The following APOBEC1 variants were observed in gnomAD, a reference collection of about 807,000 sequenced individuals.
The protein encoded by APOBEC1 is C->U-editing enzyme APOBEC-1.
APOBEC1 carries 22 observed loss-of-function variants against 26.3 expected under a neutral mutation model. The observed-to-expected ratio is 0.84, with a 90% CI of 0.60 to 1.19. The LOEUF (loss-of-function observed/expected upper bound fraction) is 1.19. APOBEC1 is among the 50% of genes most tolerant of loss of function. The pLI is 0.00. For synonymous variants in APOBEC1, 77 were observed against 95.3 expected (o/e 0.81, Z 1.12); for missense variants, 253 against 289.0 (o/e 0.88, Z 0.90).
upstream of APOBEC1, among the ~76,000 whole-genome samples, chr12:7,668,313 G>A (rs1482617840): frequency 6.6e-6 from 1 of 152,154 alleles, no homozygotes; most frequent in African/African-American, 2.4e-5. Flanking sequence ...GACCTGTTTT[G>A]TACTTCAGAC....
chr12:7,652,522 A>G lies in APOBEC1; in HGVS notation c.358T>C (p.Phe120Leu), dbSNP rs777536350. 1.2e-6 allele frequency: 2 copies of G among 1,614,198 alleles called. No individual in the cohort carries two copies. Among genetic ancestry groups the G allele is most frequent in the Non-Finnish European group, 1.7e-6 (2 of 1,180,034 alleles). Reference sequence around the variant, plus strand: ...CGATTTTGTTGATCCATGTGCCAAAAAAGCCGAGCTACGTAGATCACTAGA... The same window carrying G: ...CGATTTTGTTGATCCATGTGCCAAAGAAGCCGAGCTACGTAGATCACTAGA... ...VTLVIYVARL[F>L]WHMDQQNRQG... The change falls in exon 3 of 5, where the codon TTT (phenylalanine) becomes CTT (leucine). Residue 120 changes from phenylalanine (F) to leucine (L), a missense_variant. Phe to Leu is a conservative substitution (Grantham distance 22). Transcript: ENST00000229304.
intron 1 of APOBEC1, among the ~76,000 whole-genome samples, chr12:7,658,520 A>G (rs1461555835): frequency 6.6e-6 from 1 of 152,204 alleles, no homozygotes; most frequent in African/African-American, 2.4e-5. Context: ...ATTACCCAAC[A>G]GAGGTGTCAC....
At chr12:7,668,461 T>C (rs1333736386), upstream of APOBEC1, among the ~76,000 whole-genome samples, 2 of 152,140 alleles carry the variant, frequency 1.3e-5, no homozygotes, top group Non-Finnish European at 2.9e-5. Flanking sequence ...GTGCAAAACT[T>C]GGGTTTGTTT....
chr12:7,660,037 G>T (rs1396346226), intron 1 of APOBEC1, among the ~76,000 whole-genome samples: 4 of 152,096 alleles, frequency 2.6e-5, no homozygotes, highest in African/African-American at 9.7e-5. Context: ...CGGGTGCGGT[G>T]GCTCACGCCT....
chr12:7,657,833 G>A (rs751858549), intron 1 of APOBEC1, among the ~76,000 whole-genome samples: 85 of 152,122 alleles, frequency 5.6e-4, no homozygotes, highest in Admixed American at 2.1e-3. Context: ...CCATGAGCAT[G>A]CCACTGCACT....
At chr12:7,654,838 T>C (rs1281614141) in intron 1 of APOBEC1, among the ~76,000 whole-genome samples, 1 of 152,188 alleles carries the variant, frequency 6.6e-6, no homozygotes, top group Non-Finnish European at 1.5e-5. Flanking sequence ...TTTTCCCAGA[T>C]GCCCAATCCC....
intron 2 of APOBEC1, among the ~76,000 whole-genome samples, chr12:7,653,979 C>G (rs991166538): frequency 5.9e-5 from 9 of 152,278 alleles, no homozygotes; most frequent in African/African-American, 2.2e-4. Flanking sequence ...ATAGTTCCCA[C>G]TCATCCCTAA....
Position 7,650,819 on chromosome 12 carries a change from A to G in APOBEC1, c.561+204T>C, listed in dbSNP as rs764576162. ...GCTCACTGCAGCTTGCAACGCCTAG[A>G]CTCAAGCTTCCTGCGTAGCTGGGAC... On this transcript the variant is annotated intron_variant, in intron 4 of 4. Transcript: ENST00000229304. Among the ~76,000 whole-genome samples the G allele has an allele frequency of 3.9e-5, 6 of 152,308 alleles. No homozygotes were observed. In the South Asian group the frequency reaches 1.2e-3, roughly 32 times the overall value.
At chr12:7,649,733 G>A in intron 4 of APOBEC1, 37 bp from the exon 5 acceptor site, 1 of 1,405,330 alleles carries the variant, frequency 7.1e-7, no homozygotes, top group Non-Finnish European at 9.9e-7. Context: ...TCCTTAGGAT[G>A]AATATTTTAA....
chr12:7,653,385 A>T (rs921433655), intron 2 of APOBEC1, among the ~76,000 whole-genome samples: 1 of 151,916 alleles, frequency 6.6e-6, no homozygotes, highest in Non-Finnish European at 1.5e-5. Context: ...CCCCAGTCAC[A>T]TTATTTGGTG....
At chr12:7,654,251 A>T (rs1435616079) in intron 2 of APOBEC1, among the ~76,000 whole-genome samples, 1 of 152,234 alleles carries the variant, frequency 6.6e-6, no homozygotes, top group African/African-American at 2.4e-5. Context: ...AAAAGACATA[A>T]GAGCAAAGAT....
chr12:7,652,027 T>G (rs770884195), intron 3 of APOBEC1, among the ~76,000 whole-genome samples: 1 of 152,152 alleles, frequency 6.6e-6, no homozygotes, highest in Non-Finnish European at 1.5e-5. Flanking sequence ...TTTCACCGTG[T>G]TAGCCAGGAT....
At chr12:7,662,154 G>A (rs1488545925) in intron 1 of APOBEC1, among the ~76,000 whole-genome samples, 1 of 151,982 alleles carries the variant, frequency 6.6e-6, no homozygotes, top group Non-Finnish European at 1.5e-5. Flanking sequence ...AGTCCCCACT[G>A]CTCAGAAGGC....
At chr12:7,665,174 C>A (rs563534617) in intron 1 of APOBEC1, among the ~76,000 whole-genome samples, 7 of 152,230 alleles carry the variant, frequency 4.6e-5, no homozygotes, top group Non-Finnish European at 8.8e-5. Flanking sequence ...TTTTCTAACA[C>A]TGACTGTGCA....
In APOBEC1 at chr12:7,649,446, T is replaced by C. The variant is rs1456574662; in HGVS notation, c.*101A>G. 7.7e-7 allele frequency: 1 copy of C among 1,292,402 alleles called. No individual in the cohort carries two copies. Among genetic ancestry groups the C allele is most frequent in the African/African-American group, 1.5e-5 (1 of 67,382 alleles). 80.1% of individuals were successfully genotyped at this position (1,292,402 alleles called of 1,614,324 possible). A position where few individuals can be genotyped will look rare whatever the true frequency, so the allele number is the denominator to read the frequency against. On this transcript the variant is annotated 3_prime_UTR_variant, in exon 5 of 5. Coordinates refer to ENST00000229304, the MANE Select transcript of APOBEC1 (RefSeq NM_001644.5). ...ATTGTTGGTTTAAGCTACAGAGTTT[T>C]GGGGTACCTTGTGAACATTTCTAGA...
At chr12:7,651,642 G>T (rs1863642821) in intron 3 of APOBEC1, among the ~76,000 whole-genome samples, 1 of 148,452 alleles carries the variant, frequency 6.7e-6, no homozygotes. Flanking sequence ...GTTGTTGTTT[G>T]TTTTTGTTTT....
intron 4 of APOBEC1, among the ~76,000 whole-genome samples, chr12:7,650,680 C>A (rs964753628): frequency 3.3e-5 from 5 of 152,142 alleles, no homozygotes; most frequent in African/African-American, 1.2e-4. Flanking sequence ...GCAATCCTCC[C>A]ATCTTGGCCT....
upstream of APOBEC1, chr12:7,665,999 G>A: frequency 2.1e-6 from 2 of 958,334 alleles, no homozygotes; most frequent in Admixed American, 1.7e-5. Context: ...CGCATCTCAG[G>A]CAGTTATGGG....
intron 3 of APOBEC1, 127 bp from the exon 4 acceptor site, chr12:7,651,268 C>A: frequency 1.5e-6 from 1 of 667,782 alleles, no homozygotes; most frequent in East Asian, 2.7e-5. Flanking sequence ...ACATTAGACC[C>A]CCTAAAAAGA....
Sources: gnomAD v4.1 joint callset for allele counts (sites outside exome capture counted in the v4.1 genomes callset) on GRCh38, gnomAD v4.1.1 for gene constraint, MANE v1.5 for transcripts, NCBI Gene and HGNC (gene_info 2026-07-23, HGNC 2026-07-21) for gene names.